ZDHHC11B: variants seen among roughly 807,000 people sequenced by gnomAD.
ZDHHC11B encodes the protein zDHHC palmitoyltransferase 11B (putative).
ZDHHC11B carries 17 observed loss-of-function variants against 42.3 expected under a neutral mutation model. The observed-to-expected ratio is 0.40, with a 90% CI of 0.27 to 0.60. The LOEUF (loss-of-function observed/expected upper bound fraction) is 0.60, where lower values mean the gene tolerates loss of function less well. Among genes scored for constraint, ZDHHC11B ranks in the 20% least tolerant of loss-of-function variants. The pLI is 0.41. For missense variants in ZDHHC11B, 262 were observed against 463.2 expected (o/e 0.57, Z 3.99); for synonymous variants, 123 against 193.5 (o/e 0.64, Z 3.02).
At chr5:767,018 C>A (rs1429021607) in intron 3 of ZDHHC11B, 99 bp from the exon 4 acceptor site, 40 of 1,390,422 alleles carry the variant, frequency 2.9e-5, no homozygotes, top group Non-Finnish European at 3.8e-5. Flanking sequence ...ACATGGCCCC[C>A]AGGACCAGCA....
intron 4 of ZDHHC11B, among the ~76,000 whole-genome samples, chr5:766,456 C>T (rs1370446572): frequency 6.6e-6 from 1 of 151,892 alleles, no homozygotes; most frequent in Non-Finnish European, 1.5e-5. Context: ...GCTCTGTCCA[C>T]CCGACGATGG....
chr5:728,358 C>A (rs1407105159), intron 12 of ZDHHC11B, among the ~76,000 whole-genome samples: 2 of 151,910 alleles, frequency 1.3e-5, no homozygotes, highest in East Asian at 3.9e-4. Flanking sequence ...TGCCCTTTGA[C>A]TTTTAAGTGT....
chr5:766,087 T>G (rs185942828), intron 4 of ZDHHC11B, among the ~76,000 whole-genome samples: 7 of 151,986 alleles, frequency 4.6e-5, no homozygotes, highest in East Asian at 3.9e-4. Flanking sequence ...CTGAATGCCA[T>G]GGTCAGCTGG....
At chr5:765,561 G>A (rs1735164209) in intron 4 of ZDHHC11B, among the ~76,000 whole-genome samples, 1 of 151,922 alleles carries the variant, frequency 6.6e-6, no homozygotes, top group Non-Finnish European at 1.5e-5. Flanking sequence ...GGCCAGATAA[G>A]GGAATAAAAG....
intron 4 of ZDHHC11B, among the ~76,000 whole-genome samples, chr5:757,393 A>T (rs1413141621): frequency 6.6e-6 from 1 of 152,070 alleles, no homozygotes; most frequent in Non-Finnish European, 1.5e-5. Flanking sequence ...CGGGTCCTGC[A>T]CCAGGCCAGG....
intron 4 of ZDHHC11B, among the ~76,000 whole-genome samples, chr5:757,119 C>A (rs1408299980): frequency 6.6e-6 from 1 of 151,836 alleles, no homozygotes; most frequent in Non-Finnish European, 1.5e-5. Context: ...CCCATGGCAA[C>A]CAAATAGAAG....
chr5:721,375 TATAG>T (rs912964840), intron 12 of ZDHHC11B, among the ~76,000 whole-genome samples: 14 of 151,534 alleles, frequency 9.2e-5, no homozygotes, highest in Admixed American at 1.3e-4. Flanking sequence ...ACATTATATA[TATAG>T]ATAGATAGAT....
intron 1 of ZDHHC11B, among the ~76,000 whole-genome samples, chr5:773,012 C>G (rs1402412319): frequency 6.6e-6 from 1 of 151,954 alleles, no homozygotes; most frequent in Admixed American, 6.6e-5. Context: ...GCTGCTGGGT[C>G]TGGAGGAGCA....
chr5:728,859 A>G (rs1172188145), intron 12 of ZDHHC11B, among the ~76,000 whole-genome samples: 1 of 151,736 alleles, frequency 6.6e-6, no homozygotes, highest in Non-Finnish European at 1.5e-5. Flanking sequence ...CCATCTCTAC[A>G]AAAGTTGGCT....
rs1278395202 is a variant in ZDHHC11B, at chr5:735,881, A to T, written c.936-2042T>A. Reference sequence around the variant, plus strand: ...AGAACCTCCTTAAAGCATAAATCTTACAGGACTGAGAAAACAGTAACACAA... The same window carrying T: ...AGAACCTCCTTAAAGCATAAATCTTTCAGGACTGAGAAAACAGTAACACAA... On this transcript the variant is annotated intron_variant, in intron 10 of 13. Transcript: ENST00000508859. Among the ~76,000 whole-genome samples the T allele has an allele frequency of 8.8e-4, 130 of 148,560 alleles. 8 individuals carry two copies. The highest frequency in any genetic ancestry group is 3.0e-3 in the African/African-American group (122 of 40,292).
intron 9 of ZDHHC11B, among the ~76,000 whole-genome samples, chr5:742,060 T>C (rs1448280438): frequency 7.7e-6 from 1 of 129,090 alleles, no homozygotes; most frequent in Non-Finnish European, 1.6e-5. Flanking sequence ...ATGTTGAGCA[T>C]TTTTTTCCAT....
At chr5:730,954 G>A (rs1742977385) in intron 11 of ZDHHC11B, among the ~76,000 whole-genome samples, 1 of 151,942 alleles carries the variant, frequency 6.6e-6, no homozygotes, top group Admixed American at 6.6e-5. Context: ...CTTCCAGCCT[G>A]CAGATATGTG....
intron 12 of ZDHHC11B, among the ~76,000 whole-genome samples, chr5:722,814 C>G (rs1317496976): frequency 6.6e-6 from 1 of 151,296 alleles, no homozygotes; most frequent in Non-Finnish European, 1.5e-5. Flanking sequence ...GAAGCAAACG[C>G]CAACAGACTA....
chr5:773,645 G>A (rs1161418051), intron 1 of ZDHHC11B, among the ~76,000 whole-genome samples: 2 of 151,848 alleles, frequency 1.3e-5, no homozygotes, highest in Non-Finnish European at 2.9e-5. Flanking sequence ...CCTGGTAGGA[G>A]GGACGTGCCC....
intron 10 of ZDHHC11B, among the ~76,000 whole-genome samples, chr5:735,851 A>G (rs568462102): frequency 6.7e-6 from 1 of 149,320 alleles, no homozygotes; most frequent in East Asian, 2.0e-4. Context: ...AAAATACACC[A>G]AAACAGAACC....
intron 10 of ZDHHC11B, among the ~76,000 whole-genome samples, chr5:736,374 C>T (rs556637342): frequency 7.3e-5 from 11 of 149,776 alleles, no homozygotes; most frequent in East Asian, 2.0e-4. Flanking sequence ...ATTATAGTGA[C>T]GGACACAATA....
Position 766,792 on chromosome 5 carries a change from A to C in ZDHHC11B, c.128T>G (p.Val43Gly). The change falls in exon 4 of 14, where the codon GTG (valine) becomes GGG (glycine). Residue 43 changes from valine (V) to glycine (G), a missense_variant. Val to Gly is a moderately radical substitution (Grantham distance 109, BLOSUM62 -3). This residue lies in a region of ZDHHC11B where 97 missense variants were observed against 98.1 expected (regional missense o/e 0.99). Transcript: ENST00000508859. ...GWSLPLHYFRVVTWAVFVGLS... is the reference protein window; with the variant it reads ...GWSLPLHYFRGVTWAVFVGLS... ...GCCAACGAAGACAGCCCAAGTCACC[A>C]CCCGGAAGTAGTGCAGGGGTAACGA... 6.2e-7 allele frequency: 1 copy of C among 1,612,616 alleles called. No homozygotes were observed. The highest frequency in any genetic ancestry group is 1.1e-5 in the South Asian group (1 of 90,916).
At chr5:746,162 C>T (rs1282327899) in intron 8 of ZDHHC11B, among the ~76,000 whole-genome samples, 12 of 147,832 alleles carry the variant, frequency 8.1e-5, no homozygotes, top group African/African-American at 3.0e-4. Context: ...CATGGAGGGG[C>T]CAAACTCTCC....
Position 754,264 on chromosome 5 carries a change from C to G in ZDHHC11B, c.503+734G>C, listed in dbSNP as rs1428531038. 4.1e-5 allele frequency among the ~76,000 whole-genome samples: 5 copies of G among 122,360 alleles called. 1 individual carries two copies. Among genetic ancestry groups the G allele is most frequent in the Admixed American group, 1.8e-4 (2 of 11,076 alleles). The allele number at this position is 122,360 out of a possible 152,430, so 80.3% of individuals were successfully genotyped here. A position where few individuals can be genotyped will look rare whatever the true frequency, so the allele number is the denominator to read the frequency against. ...CACCGTGCTCAGGGGAAACACCTCT[C>G]GTCTATGAGCCTCCACCGTGCTCAG... On this transcript the variant is annotated intron_variant, in intron 6 of 13. Transcript: ENST00000508859.
Sources: gnomAD v4.1 joint callset for allele counts (sites outside exome capture counted in the v4.1 genomes callset) on GRCh38, gnomAD v4.1.1 for gene constraint, gnomAD v4.1.1 regional missense constraint, MANE v1.5 for transcripts, NCBI Gene and HGNC (gene_info 2026-07-23, HGNC 2026-07-21) for gene names.